Variants in RANBP2 observed in about 807,000 individuals in gnomAD.
RANBP2 encodes the protein E3 SUMO-protein ligase RanBP2.
Under a neutral mutation model 303.6 loss-of-function variants are expected in RANBP2, and 57 were observed. The ratio of observed to expected loss-of-function variants is 0.19; its 90% confidence interval spans 0.15 to 0.23. The LOEUF is 0.23. Among genes scored for constraint, RANBP2 ranks in the 10% least tolerant of loss-of-function variants. The pLI is 1.00. For missense variants in RANBP2, 3,138 were observed against 3,780.8 expected, an observed-to-expected ratio of 0.83 and a Z score of 4.46; for synonymous variants, 1,167 against 1,301.5, an observed-to-expected ratio of 0.90 and a Z score of 2.23.
the RANBP2 span, chr2:109,617,055 A>G: frequency 9.0e-5 from 15 of 167,044 alleles, no homozygotes; most frequent in African/African-American, 3.4e-4. Flanking sequence ...TGGCCTAAGT[A>G]TTCATGAGCC....
chr2:109,070,792 A>T, the RANBP2 span, among the ~76,000 whole-genome samples: 725 of 151,760 alleles, frequency 4.8e-3, 5 homozygotes, highest in African/African-American at 0.016. Flanking sequence ...CCCAGGAGGC[A>T]GAGGTTGCAG....
At chr2:109,219,455 G>T in the RANBP2 span, among the ~76,000 whole-genome samples, 1 of 151,878 alleles carries the variant, frequency 6.6e-6, no homozygotes, top group Non-Finnish European at 1.5e-5. Flanking sequence ...TCTAGACAGA[G>T]AAATTAGGGA....
the RANBP2 span, chr2:109,614,018 C>G: frequency 8.3e-7 from 1 of 1,204,394 alleles, no homozygotes; most frequent in Non-Finnish European, 1.0e-6. Flanking sequence ...GGGGCGGACG[C>G]CCTGTGGTGC....
At chr2:109,373,531 T>A in the RANBP2 span, among the ~76,000 whole-genome samples, 20 of 152,170 alleles carry the variant, frequency 1.3e-4, no homozygotes, top group African/African-American at 4.8e-4. Flanking sequence ...CCAAGTGAAA[T>A]TTTTGAAAGA....
At chr2:108,858,815 C>G in the RANBP2 span, among the ~76,000 whole-genome samples, 1 of 151,786 alleles carries the variant, frequency 6.6e-6, no homozygotes, top group South Asian at 2.1e-4. Flanking sequence ...ATAATGGCAT[C>G]CAGCTGCATC....
At chr2:109,716,775 C>A in the RANBP2 span, among the ~76,000 whole-genome samples, 2 of 152,020 alleles carry the variant, frequency 1.3e-5, no homozygotes, top group African/African-American at 4.8e-5. Context: ...TGTCAAACTC[C>A]TGGACTCAAG....
At chr2:109,313,406 A>C in the RANBP2 span, among the ~76,000 whole-genome samples, 1 of 152,224 alleles carries the variant, frequency 6.6e-6, no homozygotes, top group Non-Finnish European at 1.5e-5. Context: ...TCATATTTTA[A>C]GATGTGCTCA....
At chr2:109,571,453 GTAAC>G in the RANBP2 span, among the ~76,000 whole-genome samples, 1 of 152,180 alleles carries the variant, frequency 6.6e-6, no homozygotes, top group African/African-American at 2.4e-5. Context: ...TGTACAGCAT[GTAAC>G]TATACTGGAT....
At chr2:108,733,743 T>C (rs1490268778) in intron 4 of RANBP2, among the ~76,000 whole-genome samples, 1 of 152,178 alleles carries the variant, frequency 6.6e-6, no homozygotes, top group Non-Finnish European at 1.5e-5. Flanking sequence ...TATGTAATGA[T>C]AGGAGATTCT....
the RANBP2 span, among the ~76,000 whole-genome samples, chr2:109,139,872 G>A: frequency 6.6e-6 from 1 of 152,204 alleles, no homozygotes; most frequent in African/African-American, 2.4e-5. Flanking sequence ...GGAGTCGTGT[G>A]GACAGGGGTC....
rs1017224169 is a variant in RANBP2 at position 108,766,381 on chromosome 2, G to C, written c.5842G>C (p.Ala1948Pro). 4 of 1,611,800 alleles carry C rather than the reference G, an allele frequency of 2.5e-6. No homozygotes were observed. The African/African-American group carries it at 5.3e-5, about 22-fold the overall frequency. Reference sequence around the variant, plus strand: ...CCAAACAAGTAGCACTTTTACATTTGCAGATCTTGCAAAATCAACTTCAGG... The same window carrying C: ...CCAAACAAGTAGCACTTTTACATTTCCAGATCTTGCAAAATCAACTTCAGG... ...FGQTSSTFTF[A>P]DLAKSTSGEG... Residue 1948 changes from alanine to proline, a missense_variant, in exon 20 of 29, where the codon GCA (alanine) becomes CCA (proline). By Grantham distance (27) the Ala-to-Pro change is conservative (BLOSUM62 -1). Transcript: ENST00000283195.
chr2:109,410,284 A>G, the RANBP2 span, among the ~76,000 whole-genome samples: 16 of 152,342 alleles, frequency 1.1e-4, no homozygotes, highest in Non-Finnish European at 2.1e-4. Context: ...ACTGACTAGC[A>G]GCTCCAGCGC....
At chr2:109,516,655 G>C in the RANBP2 span, among the ~76,000 whole-genome samples, 1 of 152,132 alleles carries the variant, frequency 6.6e-6, no homozygotes, top group Non-Finnish European at 1.5e-5. Flanking sequence ...GCCCGTGTCT[G>C]GCCTCTCGCA....
At chr2:109,582,851 C>G in the RANBP2 span, among the ~76,000 whole-genome samples, 1 of 152,100 alleles carries the variant, frequency 6.6e-6, no homozygotes, top group African/African-American at 2.4e-5. Context: ...TGGAATAGAA[C>G]AGAGAACCTA....
the RANBP2 span, among the ~76,000 whole-genome samples, chr2:108,791,296 A>T: frequency 6.6e-6 from 1 of 152,162 alleles, no homozygotes; most frequent in African/African-American, 2.4e-5. Context: ...TCTACTCGTT[A>T]TGTCACCCAT....
the RANBP2 span, among the ~76,000 whole-genome samples, chr2:109,401,643 A>G: frequency 5.3e-5 from 8 of 152,204 alleles, no homozygotes; most frequent in Admixed American, 4.6e-4. Context: ...CTGTGTCCCA[A>G]GAGGGCCAGG....
the RANBP2 span, among the ~76,000 whole-genome samples, chr2:109,002,220 C>G: frequency 3.3e-5 from 5 of 152,240 alleles, no homozygotes; most frequent in African/African-American, 4.8e-5. Context: ...GAGGAGGACC[C>G]AGGTTTCTGG....
At chr2:108,857,864 G>T in the RANBP2 span, among the ~76,000 whole-genome samples, 2 of 152,180 alleles carry the variant, frequency 1.3e-5, no homozygotes, top group South Asian at 2.1e-4. Flanking sequence ...TCATTAGAAA[G>T]AAATCTTTCT....
the RANBP2 span, chr2:109,618,794 GTGTT>G: frequency 6.0e-6 from 1 of 166,914 alleles, no homozygotes; most frequent in South Asian, 2.1e-4. Flanking sequence ...AAACTAGTGA[GTGTT>G]TGTCACATTT....
Sources: allele counts gnomAD v4.1 joint callset (sites outside exome capture counted in the v4.1 genomes callset), GRCh38; gene constraint gnomAD v4.1.1; transcripts MANE v1.5; gene names NCBI Gene and HGNC (gene_info 2026-07-23, HGNC 2026-07-21).